KIAA1217: variants seen among roughly 807,000 people sequenced by gnomAD.
KIAA1217 encodes KIAA1217.
In KIAA1217, 88 loss-of-function variants were observed where a neutral mutation model predicts 163.9. That is an observed-to-expected ratio of 0.54 (90% CI 0.45 to 0.64). The LOEUF (loss-of-function observed/expected upper bound fraction) is 0.64, where lower values mean the gene tolerates loss of function less well. Among genes scored for constraint, KIAA1217 ranks in the 30% least tolerant of loss-of-function variants. KIAA1217 has a pLI of 0.00. For synonymous variants in KIAA1217, 903 were observed against 923.1 expected, an observed-to-expected ratio of 0.98 and a Z score of 0.39; for missense variants, 2,372 against 2,475.0, an observed-to-expected ratio of 0.96 and a Z score of 0.88.
intron 1 of KIAA1217, among the ~76,000 whole-genome samples, chr10:23,775,520 G>T (rs1834971549): frequency 6.6e-6 from 1 of 152,164 alleles, no homozygotes; most frequent in East Asian, 1.9e-4. Context: ...AATGAGGTCA[G>T]GGCTGTGCCT....
At chr10:24,545,723 T>C in intron 20 of KIAA1217, 104 bp from the exon 21 acceptor site, 1 of 1,512,896 alleles carries the variant, frequency 6.6e-7, no homozygotes, top group Admixed American at 2.3e-5. Context: ...TTGGTTGGTT[T>C]TCTTTGATTG....
At position 23,916,313 on chromosome 10, in the gene KIAA1217, A is replaced by C. The variant is rs564019204; in HGVS notation, c.-320-90912A>C. ...AAAGGTAAGTTAAGGCCATATTTGA[A>C]TTTGCACTCTATTGTTCATGCTTTG... is the stretch of plus-strand genomic sequence containing the variant. On this transcript the variant is annotated intron_variant, in intron 1 of 18. Transcript: ENST00000376462. 3.9e-4 allele frequency among the ~76,000 whole-genome samples: 59 copies of C among 152,284 alleles called. 1 individual carries two copies. In the South Asian group the frequency reaches 0.012, roughly 31 times the overall value.
intron 3 of KIAA1217, among the ~76,000 whole-genome samples, chr10:24,394,164 A>C (rs557960931): frequency 6.6e-6 from 1 of 152,248 alleles, no homozygotes; most frequent in Admixed American, 6.5e-5. Context: ...CCCATCCTCA[A>C]ATTCAGCCCG....
intron 19 of KIAA1217, 121 bp downstream of exon 19, chr10:24,544,602 G>C (rs946570647): frequency 1.7e-5 from 18 of 1,044,220 alleles, no homozygotes; most frequent in Middle Eastern, 6.5e-4. Context: ...TTTTTTTTTT[G>C]TCTGTTCGCC....
intron 2 of KIAA1217, among the ~76,000 whole-genome samples, chr10:24,152,081 C>A (rs759483377): frequency 1.3e-5 from 2 of 152,204 alleles, no homozygotes; most frequent in Admixed American, 6.5e-5. Context: ...TCCCTCCCTG[C>A]ATGGCTCTCT....
intron 2 of KIAA1217, among the ~76,000 whole-genome samples, chr10:24,165,216 C>T (rs530934770): frequency 6.6e-6 from 1 of 152,262 alleles, no homozygotes; most frequent in South Asian, 2.1e-4. Context: ...GAGTTCTCCA[C>T]CAGCCCACAA....
chr10:24,374,907 C>T (rs1430770975), intron 2 of KIAA1217, among the ~76,000 whole-genome samples: 2 of 152,180 alleles, frequency 1.3e-5, no homozygotes, highest in Non-Finnish European at 2.9e-5. Context: ...GCCTCAGCCT[C>T]CCCAGTGGCT....
intron 1 of KIAA1217, among the ~76,000 whole-genome samples, chr10:23,705,291 A>G (rs564596601): frequency 2.0e-4 from 31 of 152,208 alleles, no homozygotes; most frequent in African/African-American, 7.5e-4. Context: ...ATGAAGTACA[A>G]TTATCTGTTT....
chr10:24,085,623 A>C (rs886603966), intron 2 of KIAA1217, among the ~76,000 whole-genome samples: 1 of 151,888 alleles, frequency 6.6e-6, no homozygotes, highest in African/African-American at 2.4e-5. Context: ...ATGAATATCT[A>C]TCAGCCTCTT....
chr10:24,097,242 G>A (rs540177062), intron 2 of KIAA1217, among the ~76,000 whole-genome samples: 1 of 152,296 alleles, frequency 6.6e-6, no homozygotes, highest in South Asian at 2.1e-4. Context: ...AGGAATAAGG[G>A]AAAAAGTAGA....
At chr10:24,482,432 G>A (rs2064836379) in intron 6 of KIAA1217, 1 of 152,228 alleles carries the variant, frequency 6.6e-6, no homozygotes, top group Admixed American at 6.5e-5. Flanking sequence ...TGCAGAGTAA[G>A]CCTCCTGAAA....
intron 2 of KIAA1217, among the ~76,000 whole-genome samples, chr10:24,180,369 C>T (rs548472358): frequency 3.3e-5 from 5 of 151,336 alleles, no homozygotes; most frequent in African/African-American, 1.2e-4. Context: ...TCACTGCAAC[C>T]TCCACCTCCT....
At chr10:23,832,929 C>T (rs776881393) in intron 1 of KIAA1217, among the ~76,000 whole-genome samples, 3 of 152,072 alleles carry the variant, frequency 2.0e-5, no homozygotes, top group Middle Eastern at 3.4e-3. Context: ...GAAAAACGTC[C>T]GATCTCATGA....
intron 2 of KIAA1217, among the ~76,000 whole-genome samples, chr10:24,356,768 A>T (rs2049165384): frequency 6.6e-6 from 1 of 152,222 alleles, no homozygotes; most frequent in African/African-American, 2.4e-5. Flanking sequence ...CCCTCGCCAG[A>T]TGCTGGCATC....
intron 4 of KIAA1217, among the ~76,000 whole-genome samples, chr10:24,436,757 C>CAAAAAAAAAAA (rs10560676): frequency 8.5e-5 from 6 of 70,872 alleles, no homozygotes; most frequent in Non-Finnish European, 1.2e-4. Context: ...GACTCCGTCT[C>CAAAAAAAAAAA]AAAAAAAAAA....
chr10:23,703,559 A>G (rs192751396), intron 1 of KIAA1217, among the ~76,000 whole-genome samples: 1 of 152,306 alleles, frequency 6.6e-6, no homozygotes, highest in Non-Finnish European at 1.5e-5. Context: ...TATCGTAAAT[A>G]TTTCTGCTGT....
At chr10:24,239,139 T>C in intron 2 of KIAA1217, 1 of 985,202 alleles carries the variant, frequency 1.0e-6, no homozygotes, top group Non-Finnish European at 1.2e-6. Flanking sequence ...CAAAAAGTCC[T>C]ATAGGCTACA....
At chr10:24,372,129 T>C (rs2051746242) in intron 2 of KIAA1217, among the ~76,000 whole-genome samples, 1 of 152,086 alleles carries the variant, frequency 6.6e-6, no homozygotes. Context: ...GGGGGTTTGG[T>C]CGAGGTTCTG....
At chr10:24,162,633 T>A (rs541830709) in intron 2 of KIAA1217, among the ~76,000 whole-genome samples, 1 of 152,296 alleles carries the variant, frequency 6.6e-6, no homozygotes, top group East Asian at 1.9e-4. Context: ...GCACAAAAAA[T>A]TGCCCACCAG....
Sources: gnomAD v4.1 joint callset for allele counts (sites outside exome capture counted in the v4.1 genomes callset) on GRCh38, gnomAD v4.1.1 for gene constraint, MANE v1.5 for transcripts, NCBI Gene and HGNC (gene_info 2026-07-23, HGNC 2026-07-21) for gene names.